GNG7: variants seen among roughly 807,000 people sequenced by gnomAD.
GNG7 encodes the protein G protein subunit gamma 7.
A neutral mutation model predicts 4.0 loss-of-function variants in GNG7; 1 was observed. That is an observed-to-expected ratio of 0.25 (90% confidence interval 0.09 to 1.18). The LOEUF (loss-of-function observed/expected upper bound fraction) is 1.18, where lower values mean the gene tolerates loss of function less well. Among genes scored for constraint, GNG7 ranks in the 50% most tolerant of loss-of-function variants. GNG7 has a pLI of 0.50. For synonymous variants in GNG7, 34 were observed against 36.9 expected (o/e 0.92, Z 0.29); for missense variants, 86 against 91.9 (o/e 0.94, Z 0.26).
intron 1 of GNG7, among the ~76,000 whole-genome samples, chr19:2,693,863 C>T (rs1808737638): frequency 6.6e-6 from 1 of 152,116 alleles, no homozygotes; most frequent in South Asian, 2.1e-4. Context: ...ATTCTACCCA[C>T]AACCCCCCCA....
chr19:2,696,346 G>A (rs1399740763), intron 1 of GNG7, among the ~76,000 whole-genome samples: 4 of 104,408 alleles, frequency 3.8e-5, no homozygotes, highest in African/African-American at 1.5e-4. Context: ...AAGAAAGAAA[G>A]AAAAGAAAGA....
At chr19:2,669,964 C>A (rs180976639) in intron 1 of GNG7, among the ~76,000 whole-genome samples, 1 of 149,744 alleles carries the variant, frequency 6.7e-6, no homozygotes, top group Admixed American at 6.7e-5. Flanking sequence ...GAGCTGAGAT[C>A]GCGCCAATGC....
At chr19:2,641,325 T>C (rs1275774433) in intron 2 of GNG7, among the ~76,000 whole-genome samples, 1 of 152,140 alleles carries the variant, frequency 6.6e-6, no homozygotes, top group Non-Finnish European at 1.5e-5. Context: ...CCAGAAGCCG[T>C]GGACAGGTCA....
rs2144823190 is a variant in GNG7 at position 2,611,821 on chromosome 19, G to C, written c.-78+34403C>G. ...ACTGCTCTCCAGCCTGGGCGACAGA[G>C]GGAGATTCTGTCTCTAAAAAAATAA... is the stretch of plus-strand genomic sequence containing the variant. On this transcript the variant is annotated intron_variant, in intron 2 of 4. Coordinates refer to ENST00000382159, the MANE Select transcript of GNG7 (RefSeq NM_052847.3). The surrounding 1 kb of genome is among the most constrained non-coding windows in gnomAD (Gnocchi z 6.0). 6.6e-6 allele frequency: 1 copy of C among 152,190 alleles called. No homozygotes were observed. The highest frequency in any genetic ancestry group is 6.5e-5 in the Admixed American group (1 of 15,284). The allele number at this position is 152,190 out of a possible 1,614,324, so 9.4% of individuals were successfully genotyped here. A position where few individuals can be genotyped will look rare whatever the true frequency, so the allele number is the denominator to read the frequency against.
rs1183020090 is a variant in GNG7, at chr19:2,546,760, A to G, written c.-38+8389T>C. On this transcript the variant is annotated intron_variant, in intron 3 of 4. Coordinates refer to ENST00000382159, the MANE Select transcript of GNG7 (RefSeq NM_052847.3). This position sits in a 1 kb window ranked among gnomAD's most constrained non-coding sequence, Gnocchi z 6.3. Reference sequence around the variant, plus strand: ...TGGTCGCCGCGGTGACGGGAGCAGGAGAAAAGAAAAGCTGCTCTCTGTCCA... The same window carrying G: ...TGGTCGCCGCGGTGACGGGAGCAGGGGAAAAGAAAAGCTGCTCTCTGTCCA... Among the ~76,000 whole-genome samples, 1 of 152,142 alleles carries G rather than the reference A, an allele frequency of 6.6e-6. No individual in the cohort carries two copies. The highest frequency in any genetic ancestry group is 1.5e-5 in the Non-Finnish European group (1 of 68,026).
rs777804744 is a variant in GNG7 at position 2,538,768 on chromosome 19, C to CT, written c.-38+16380dup. 1.4e-3 allele frequency: 498 copies of CT among 365,926 alleles called. 1 individual carries two copies. Among genetic ancestry groups the CT allele is most frequent in the Non-Finnish European group, 2.2e-3 (419 of 186,428 alleles). 22.7% of individuals were successfully genotyped at this position (365,926 alleles called of 1,614,324 possible). A position where few individuals can be genotyped will look rare whatever the true frequency, so the allele number is the denominator to read the frequency against. On this transcript the variant is annotated intron_variant, in intron 3 of 4. Transcript: ENST00000382159. ...AGACTTCCTAGATATATATATTTTT[C>CT]TTTTTTTTCTTTTTTTTTGAGACGG...
At chr19:2,640,943 G>A (rs1197066298) in intron 2 of GNG7, among the ~76,000 whole-genome samples, 1 of 152,142 alleles carries the variant, frequency 6.6e-6, no homozygotes, top group Non-Finnish European at 1.5e-5. Flanking sequence ...ACCAAGTTCT[G>A]ACGTCAATCA....
rs1568262802 is a variant in GNG7, at chr19:2,612,706, A to ATT, written c.-78+33517_-78+33518insAA. Among the ~76,000 whole-genome samples, 62 of 118,410 alleles carry ATT rather than the reference A, an allele frequency of 5.2e-4. 3 individuals are homozygous for ATT. The highest frequency in any genetic ancestry group is 9.5e-4 in the South Asian group (4 of 4,196). 77.7% of individuals were successfully genotyped at this position (118,410 alleles called of 152,430 possible). A position where few individuals can be genotyped will look rare whatever the true frequency, so the allele number is the denominator to read the frequency against. On this transcript the variant is annotated intron_variant, in intron 2 of 4. Transcript: ENST00000382159. ...TTAGAATTTTTTTTTTTTTTTGAGA[A>ATT]ATTTTTTTTTTTTTTTTGAGAGTCT...
chr19:2,588,174 T>C (rs561270007), intron 2 of GNG7, among the ~76,000 whole-genome samples: 7 of 152,274 alleles, frequency 4.6e-5, no homozygotes. Flanking sequence ...CACAGGCTGC[T>C]TAGAAACCTA....
intron 2 of GNG7, among the ~76,000 whole-genome samples, chr19:2,571,055 G>C (rs1285932629): frequency 1.3e-5 from 2 of 152,000 alleles, no homozygotes; most frequent in Non-Finnish European, 2.9e-5. Flanking sequence ...ACCCACCTTG[G>C]CCTCCCAAAG....
chr19:2,536,275 G>C (rs538471873), intron 3 of GNG7, among the ~76,000 whole-genome samples: 1 of 152,062 alleles, frequency 6.6e-6, no homozygotes, highest in East Asian at 1.9e-4. Flanking sequence ...AACAGTAGCT[G>C]GGTGTGGTGG....
chr19:2,541,959 C>A (rs1462688695), intron 3 of GNG7, among the ~76,000 whole-genome samples: 6 of 151,856 alleles, frequency 4.0e-5, no homozygotes, highest in Non-Finnish European at 8.8e-5. Context: ...GGGCCGAGGG[C>A]TGAGATGGGA....
chr19:2,544,309 G>A (rs1010621446), intron 3 of GNG7, among the ~76,000 whole-genome samples: 10 of 152,222 alleles, frequency 6.6e-5, no homozygotes, highest in African/African-American at 2.2e-4. Context: ...GCAGAGAGCT[G>A]TGTCCCTGGG....
In GNG7 at chr19:2,702,692, C is replaced by A. The variant is rs1187391462; in HGVS notation, c.-181G>T. The A allele has an allele frequency of 6.6e-6, 1 of 151,090 alleles. No individual in the cohort carries two copies. Among genetic ancestry groups the A allele is most frequent in the Non-Finnish European group, 1.5e-5 (1 of 67,634 alleles). The allele number at this position is 151,090 out of a possible 1,614,324, so 9.4% of individuals were successfully genotyped here. A position where few individuals can be genotyped will look rare whatever the true frequency, so the allele number is the denominator to read the frequency against. ...GCCTCAGCCCCGCCGCGCAGCCGAA[C>A]CCTCCGCCCCGGCCCGCGAGCGCTC... On this transcript the variant is annotated 5_prime_UTR_variant, in exon 1 of 5. Coordinates refer to ENST00000382159, the MANE Select transcript of GNG7 (RefSeq NM_052847.3).
chr19:2,605,660 T>A (rs565222732), intron 2 of GNG7, among the ~76,000 whole-genome samples: 2 of 150,032 alleles, frequency 1.3e-5, no homozygotes, highest in Non-Finnish European at 1.5e-5. Context: ...ATTACAGGCA[T>A]GCGCCACCAC....
rs967349041 is a variant in GNG7, at chr19:2,513,494, C to T, written c.*1528G>A. 5.9e-5 allele frequency: 58 copies of T among 985,110 alleles called. No individual in the cohort carries two copies. The highest frequency in any genetic ancestry group is 6.5e-5 in the Non-Finnish European group (54 of 829,772). 61.0% of individuals were successfully genotyped at this position (985,110 alleles called of 1,614,324 possible). A position where few individuals can be genotyped will look rare whatever the true frequency, so the allele number is the denominator to read the frequency against. On this transcript the variant is annotated 3_prime_UTR_variant, in exon 5 of 5. Transcript: ENST00000382159. ...CTCCCGTCCGTGCCGCAGAGGAGGA[C>T]GCAGTCATCTTTCAGAAGCCTCCCC...
At chr19:2,537,473 G>A (rs975086960) in intron 3 of GNG7, among the ~76,000 whole-genome samples, 4 of 151,738 alleles carry the variant, frequency 2.6e-5, no homozygotes, top group Admixed American at 2.0e-4. Flanking sequence ...GGTCTCAAGC[G>A]ATCCTCCTGC....
At chr19:2,575,824 C>G (rs1389343465) in intron 2 of GNG7, among the ~76,000 whole-genome samples, 1 of 148,952 alleles carries the variant, frequency 6.7e-6, no homozygotes, top group Non-Finnish European at 1.5e-5. Context: ...CACGCAGGCA[C>G]ACGCAGACAG....
Position 2,618,321 on chromosome 19 carries a change from C to T in GNG7, c.-78+27903G>A, listed in dbSNP as rs1209839212. 6.6e-6 allele frequency among the ~76,000 whole-genome samples: 1 copy of T among 151,638 alleles called. No individual in the cohort carries two copies. Among genetic ancestry groups the T allele is most frequent in the African/African-American group, 2.4e-5 (1 of 41,100 alleles). Reference sequence around the variant, plus strand: ...GCAAAGCTCTCAGCCACATTTTTCTCTTTTCTACCTGTATGTGTGTGGTGT... The same window carrying T: ...GCAAAGCTCTCAGCCACATTTTTCTTTTTTCTACCTGTATGTGTGTGGTGT... On this transcript the variant is annotated intron_variant, in intron 2 of 4. Coordinates refer to ENST00000382159, the MANE Select transcript of GNG7 (RefSeq NM_052847.3). The surrounding 1 kb of genome is among the most constrained non-coding windows in gnomAD (Gnocchi z 5.1).
Sources: gnomAD v4.1 joint callset for allele counts (sites outside exome capture counted in the v4.1 genomes callset) on GRCh38, gnomAD v4.1.1 for gene constraint, Gnocchi (gnomAD v3.1) non-coding constraint, MANE v1.5 for transcripts, NCBI Gene and HGNC (gene_info 2026-07-23, HGNC 2026-07-21) for gene names.